The following CNPY2 variants were observed in gnomAD, a reference collection of about 807,000 sequenced individuals.
CNPY2 encodes protein canopy homolog 2.
A neutral mutation model predicts 25.5 loss-of-function variants in CNPY2; 19 were observed. That is an observed-to-expected ratio of 0.74 (90% CI 0.52 to 1.09). The LOEUF is 1.09. Among genes scored for constraint, CNPY2 ranks in the 50% least tolerant of loss-of-function variants. The probability of loss-of-function intolerance (pLI) is 0.00; values close to 1 mark genes in which losing one functional copy is unlikely to be tolerated. For missense variants in CNPY2, 214 were observed against 233.6 expected, an observed-to-expected ratio of 0.92 and a Z score of 0.55; for synonymous variants, 82 against 85.0, an observed-to-expected ratio of 0.96 and a Z score of 0.19.
chr12:56,311,399 A>AG lies in CNPY2; in HGVS notation c.219dup (p.Ser74LeufsTer14). ...AGCAGCTCTGTGAGGTGGGCCTCTG[A>AG]GCGGGCATAAGGCACCTAGAAATGT... On this transcript the variant is annotated frameshift_variant, in exon 4 of 6. Transcript: ENST00000273308. LOFTEE classifies it high-confidence loss of function. 1 of 1,614,120 alleles carries AG rather than the reference A, an allele frequency of 6.2e-7. No homozygotes were observed. The highest frequency in any genetic ancestry group is 1.3e-5 in the African/African-American group (1 of 75,006).
At chr12:56,311,522 C>A in intron 3 of CNPY2, 108 bp from the exon 4 acceptor site, 1 of 1,114,140 alleles carries the variant, frequency 9.0e-7, no homozygotes, top group Non-Finnish European at 1.4e-6. Flanking sequence ...TTCTAAAAAG[C>A]TTTCCCTAAT....
chr12:56,313,185 T>C (rs1184705617), intron 3 of CNPY2, among the ~76,000 whole-genome samples: 1 of 152,056 alleles, frequency 6.6e-6, no homozygotes, highest in African/African-American at 2.4e-5. Context: ...CCTGTGTCCA[T>C]GTGTTCATTA....
In CNPY2 at chr12:56,310,250, G is replaced by C. The variant is rs1010257870; in HGVS notation, c.*302C>G. 1 of 598,558 alleles carries C rather than the reference G, an allele frequency of 1.7e-6. No individual in the cohort carries two copies. The highest frequency in any genetic ancestry group is 3.0e-5 in the Admixed American group (1 of 33,796). 37.1% of individuals were successfully genotyped at this position (598,558 alleles called of 1,614,324 possible). A position where few individuals can be genotyped will look rare whatever the true frequency, so the allele number is the denominator to read the frequency against. On this transcript the variant is annotated 3_prime_UTR_variant, in exon 6 of 6. Transcript: ENST00000273308. ...TGGGCACTGACTGAAAGCTTATCTA[G>C]TTTATGAGTGGAGTGGAATCTCAGA... is the stretch of plus-strand genomic sequence containing the variant.
At chr12:56,310,651 G>A in intron 5 of CNPY2, 56 bp from the exon 6 acceptor site, 2 of 1,590,986 alleles carry the variant, frequency 1.3e-6, no homozygotes, top group Non-Finnish European at 1.7e-6. Flanking sequence ...ATATCTGCCA[G>A]TATCAAGAAA....
intron 5 of CNPY2, 139 bp downstream of exon 5, chr12:56,310,819 A>T (rs1873692867): frequency 1.1e-6 from 1 of 883,072 alleles, no homozygotes; most frequent in Admixed American, 2.3e-5. Context: ...GGAACACCCC[A>T]AGTCCCTAAG....
rs1873866348 is a variant in CNPY2, at chr12:56,315,181, C to A, written c.37G>T (p.Ala13Ser). Residue 13 changes from alanine to serine, a missense_variant, in exon 2 of 6, where the codon GCC (alanine) becomes TCC (serine). Physicochemically the swap from Ala to Ser is moderately conservative, Grantham distance 99. Coordinates refer to ENST00000273308, the MANE Select transcript of CNPY2 (RefSeq NM_014255.7). Reference protein sequence around the residue: ...GWGWLALLLGALLGTAWARRS... With the variant: ...GWGWLALLLGSLLGTAWARRS... ...CGAGCCCAGGCGGTTCCCAGCAGGG[C>A]CCCCAGAAGCAGGGCCAGCCAACCC... 4 of 1,614,034 alleles carry A rather than the reference C, an allele frequency of 2.5e-6. No homozygotes were observed. Among genetic ancestry groups the A allele is most frequent in the Non-Finnish European group, 3.4e-6 (4 of 1,179,916 alleles).
chr12:56,313,174 C>T (rs988586414), intron 3 of CNPY2, among the ~76,000 whole-genome samples: 2 of 152,124 alleles, frequency 1.3e-5, no homozygotes, highest in African/African-American at 4.8e-5. Flanking sequence ...ACGTTCCCCT[C>T]CCTGTGTCCA....
Position 56,314,842 on chromosome 12 carries a change from AAC to A in CNPY2, c.204+7_204+8del, listed in dbSNP as rs1319926526. On this transcript the variant is annotated splice_region_variant and intron_variant, in intron 3 of 5. Coordinates refer to ENST00000273308, the MANE Select transcript of CNPY2 (RefSeq NM_014255.7). ...GAGCTACTTTGTTTGGGGGAACAGT[AAC>A]AGTTACCTCCACCACTGACTGGCTG... The A allele has an allele frequency of 6.2e-7, 1 of 1,614,082 alleles. No individual in the cohort carries two copies. The highest frequency in any genetic ancestry group is 1.3e-5 in the African/African-American group (1 of 74,918).
At chr12:56,315,065 G>T in intron 2 of CNPY2, 65 bp downstream of exon 2, 5 of 1,597,526 alleles carry the variant, frequency 3.1e-6, no homozygotes, top group Non-Finnish European at 2.6e-6. Flanking sequence ...CTTCTCCCAG[G>T]CCTTGGATCT....
rs1039869985 is a variant in CNPY2, at chr12:56,310,152, C to T, written c.*400G>A. On this transcript the variant is annotated 3_prime_UTR_variant, in exon 6 of 6. Coordinates refer to ENST00000273308, the MANE Select transcript of CNPY2 (RefSeq NM_014255.7). ...ATTTCTAGAATTCTACACTACCATA[C>T]ACTATGTTCCCCTGCTTCCTCATGG... 6.2e-5 allele frequency: 38 copies of T among 613,936 alleles called. No individual in the cohort carries two copies. The highest frequency in any genetic ancestry group is 1.1e-4 in the Non-Finnish European group (37 of 346,802). The allele number at this position is 613,936 out of a possible 1,614,324, so 38.0% of individuals were successfully genotyped here.
chr12:56,311,459 C>T lies in CNPY2; in HGVS notation c.205-45G>A, dbSNP rs367831356. ...TGGGTCACTCTCTTCTACCTCTGTACATTAGTAATTTATATCCTTACTTTT... is the reference window on the plus strand; with the variant it reads ...TGGGTCACTCTCTTCTACCTCTGTATATTAGTAATTTATATCCTTACTTTT... On this transcript the variant is annotated intron_variant, in intron 3 of 5. Coordinates refer to ENST00000273308, the MANE Select transcript of CNPY2 (RefSeq NM_014255.7). 4 of 1,551,984 alleles carry T rather than the reference C, an allele frequency of 2.6e-6. No individual in the cohort carries two copies. The African/African-American group carries it at 4.1e-5, about 16-fold the overall frequency.
Position 56,315,156 on chromosome 12 carries a change from C to T in CNPY2, c.62G>A (p.Arg21Gln), listed in dbSNP as rs1850273519. The change falls in exon 2 of 6, where the codon CGG (arginine) becomes CAG (glutamine). Residue 21 changes from arginine (R) to glutamine (Q), a missense_variant. Physicochemically the swap from Arg to Gln is conservative, Grantham distance 43 (BLOSUM62 1). Coordinates refer to ENST00000273308, the MANE Select transcript of CNPY2 (RefSeq NM_014255.7). The part of the protein sequence containing the change: ...LGALLGTAWA[R>Q]RSQDLHCGAC... ...TCCACAGTGGAGATCCTGGCTCCTC[C>T]GAGCCCAGGCGGTTCCCAGCAGGGC... is the stretch of plus-strand genomic sequence containing the variant. 2 of 1,614,144 alleles carry T rather than the reference C, an allele frequency of 1.2e-6. No homozygotes were observed. Among genetic ancestry groups the T allele is most frequent in the Non-Finnish European group, 1.7e-6 (2 of 1,180,000 alleles).
intron 3 of CNPY2, among the ~76,000 whole-genome samples, chr12:56,313,943 C>G (rs1873798847): frequency 6.6e-6 from 1 of 150,392 alleles, no homozygotes; most frequent in African/African-American, 2.5e-5. Context: ...TTCTTGTCAA[C>G]CAGACTGGAG....
rs1873686164 is a variant in CNPY2 at position 56,310,548 on chromosome 12, T to G, written c.*4A>C. 1.9e-6 allele frequency: 3 copies of G among 1,614,062 alleles called. No homozygotes were observed. The highest frequency in any genetic ancestry group is 2.5e-6 in the Non-Finnish European group (3 of 1,180,028). On this transcript the variant is annotated 3_prime_UTR_variant, in exon 6 of 6. Transcript: ENST00000273308. Reference sequence around the variant, plus strand: ...ATCAAGCCAGTGTGGGCTGCTCCAGTGGTTCATAGCTCATCATGCGATATG... The same window carrying G: ...ATCAAGCCAGTGTGGGCTGCTCCAGGGGTTCATAGCTCATCATGCGATATG...
chr12:56,311,240 A>G lies in CNPY2; in HGVS notation c.379T>C (p.Ser127Pro). The change falls in exon 4 of 6, where the codon TCA (serine) becomes CCA (proline). Residue 127 changes from serine (S) to proline (P), a missense_variant. By Grantham distance (74) the Ser-to-Pro change is moderately conservative (BLOSUM62 -1). Transcript: ENST00000273308. Reference sequence around the variant, plus strand: ...AACTTGAGGGTGCCGCTAATATCTGAGTCGATTCGGATGCCTTGTAGGTCC... The same window carrying G: ...AACTTGAGGGTGCCGCTAATATCTGGGTCGATTCGGATGCCTTGTAGGTCC... ...ELDLQGIRID[S>P]DISGTLKFAC... is the part of the protein sequence containing the mutation. The G allele has an allele frequency of 6.2e-7, 1 of 1,614,116 alleles. No homozygotes were observed. Among genetic ancestry groups the G allele is most frequent in the East Asian group, 2.2e-5 (1 of 44,884 alleles).
Position 56,309,898 on chromosome 12 carries a change from T to G in CNPY2, c.*654A>C. 1.4e-6 allele frequency: 1 copy of G among 702,162 alleles called. No homozygotes were observed. Among genetic ancestry groups the G allele is most frequent in the Non-Finnish European group, 2.6e-6 (1 of 384,730 alleles). 43.5% of individuals were successfully genotyped at this position (702,162 alleles called of 1,614,324 possible). Reference sequence around the variant, plus strand: ...TGGCATCAAATTTAAAAGCTTAGGCTGGCAAGCAAGGCCTCTCATTAAACA... The same window carrying G: ...TGGCATCAAATTTAAAAGCTTAGGCGGGCAAGCAAGGCCTCTCATTAAACA... On this transcript the variant is annotated 3_prime_UTR_variant, in exon 6 of 6. Coordinates refer to ENST00000273308, the MANE Select transcript of CNPY2 (RefSeq NM_014255.7).
rs1225959442 is a variant in CNPY2, at chr12:56,311,019, G to A, written c.444C>T (p.Leu148=). 3 of 1,614,004 alleles carry A rather than the reference G, an allele frequency of 1.9e-6. No individual in the cohort carries two copies. The Admixed American group carries it at 5.0e-5, about 27-fold the overall frequency. Residue 148 remains leucine, a synonymous_variant, in exon 5 of 6, where the codon CTC becomes CTT. Coordinates refer to ENST00000273308, the MANE Select transcript of CNPY2 (RefSeq NM_014255.7). ...CAGCCTCTCGGGAAAAGAATTCAAT[G>A]AGTTCATCCTCGTATTCCTCCACAA... is the stretch of plus-strand genomic sequence containing the variant. ...ESIVEEYEDE[L]IEFFSREADN... is the part of the protein sequence containing the mutation.
At chr12:56,310,697 C>A (rs1873690624) in intron 5 of CNPY2, 102 bp from the exon 6 acceptor site, 2 of 1,169,500 alleles carry the variant, frequency 1.7e-6, no homozygotes, top group South Asian at 2.5e-5. Context: ...CACACACCAA[C>A]CACCATTCTG....
intron 3 of CNPY2, chr12:56,314,570 A>T: frequency 7.7e-7 from 1 of 1,304,454 alleles, no homozygotes; most frequent in Non-Finnish European, 9.8e-7. Flanking sequence ...TGTATACCAC[A>T]GTGCTACATT....
Sources: allele counts gnomAD v4.1 joint callset (sites outside exome capture counted in the v4.1 genomes callset), GRCh38; gene constraint gnomAD v4.1.1; transcripts MANE v1.5; gene names NCBI Gene and HGNC (gene_info 2026-07-23, HGNC 2026-07-21).